Variants in DPYD observed in about 807,000 individuals in gnomAD.
DPYD encodes dihydropyrimidine dehydrogenase [NADP(+)].
A neutral mutation model predicts 116.2 loss-of-function variants in DPYD; 109 were observed. The observed-to-expected ratio is 0.94, with a 90% confidence interval of 0.80 to 1.10. DPYD has a LOEUF of 1.10. Ranked by LOEUF, DPYD falls within the 50% of genes least tolerant of loss-of-function variation. The pLI is 0.00. For missense variants in DPYD, 1,302 were observed against 1,254.5 expected (o/e 1.04, Z -0.57); for synonymous variants, 440 against 432.0 (o/e 1.02, Z -0.23).
rs114631000 is a variant in DPYD, at chr1:97,245,193, C to T, written c.2300-10199G>A. ...TCTCCATTTTACAGACATGGAAATT[C>T]AGGCTCAAGGAATTAAATAGTATGT... is the stretch of plus-strand genomic sequence containing the variant. On this transcript the variant is annotated intron_variant, in intron 18 of 22. Coordinates refer to ENST00000370192, the MANE Select transcript of DPYD (RefSeq NM_000110.4). Among the ~76,000 whole-genome samples, 173 of 152,234 alleles carry T rather than the reference C, an allele frequency of 1.1e-3. 2 individuals carry two copies. Among genetic ancestry groups the T allele is most frequent in the African/African-American group, 4.0e-3 (165 of 41,554 alleles).
chr1:97,166,227 A>G (rs1280276406), intron 20 of DPYD, among the ~76,000 whole-genome samples: 1 of 152,220 alleles, frequency 6.6e-6, no homozygotes, highest in Non-Finnish European at 1.5e-5. Context: ...AATATGGTAC[A>G]TATACACCAT....
At chr1:97,094,619 C>CAGTTT (rs1358912625) in intron 21 of DPYD, among the ~76,000 whole-genome samples, 4 of 152,036 alleles carry the variant, frequency 2.6e-5, no homozygotes, top group Non-Finnish European at 5.9e-5. Flanking sequence ...GAATGGGAAT[C>CAGTTT]AGTTTAGTTC....
chr1:97,711,024 G>T (rs1042516178), intron 5 of DPYD, among the ~76,000 whole-genome samples: 7 of 151,800 alleles, frequency 4.6e-5, no homozygotes, highest in Non-Finnish European at 8.9e-5. Context: ...GTGAAGATTA[G>T]AGTCAATGGT....
Position 97,607,384 on chromosome 1 carries a change from T to G in DPYD, c.851-12218A>C, listed in dbSNP as rs181099152. On this transcript the variant is annotated intron_variant, in intron 8 of 22. Transcript: ENST00000370192. ...TCTTCTACTGCACTGTGATTCAGTA[T>G]AGTGGAAGAGGGGCAGATTCTAAGG... is the stretch of plus-strand genomic sequence containing the variant. 2.6e-5 allele frequency among the ~76,000 whole-genome samples: 4 copies of G among 151,978 alleles called. No homozygotes were observed. In the South Asian group the frequency reaches 8.3e-4, roughly 32 times the overall value.
chr1:97,450,224 C>T lies in DPYD; in HGVS notation c.1741-1G>A, dbSNP rs770125111. ...TGGGGGAAACATTTGTCACAATGTC[C>T]TGATGAAAGAGTAAAGATATTGAGT... On this transcript the variant is annotated splice_acceptor_variant, in intron 13 of 22. Transcript: ENST00000370192. LOFTEE classifies it high-confidence loss of function. The T allele has an allele frequency of 6.2e-7, 1 of 1,613,280 alleles. No individual in the cohort carries two copies. The highest frequency in any genetic ancestry group is 1.1e-5 in the South Asian group (1 of 91,042).
chr1:97,358,859 C>G (rs145939847), intron 16 of DPYD, among the ~76,000 whole-genome samples: 3,509 of 152,144 alleles, frequency 0.023, 93 homozygotes, highest in Non-Finnish European at 0.029. Flanking sequence ...GGGGAGAAAC[C>G]AGAAGAGAAA....
At chr1:97,771,016 T>C (rs1666112494) in intron 3 of DPYD, among the ~76,000 whole-genome samples, 1 of 152,178 alleles carries the variant, frequency 6.6e-6, no homozygotes, top group South Asian at 2.1e-4. Flanking sequence ...TGAAATTTGC[T>C]AACATTAAAA....
At position 97,283,919 on chromosome 1, in the gene DPYD, T is replaced by A. The variant is rs150415638; in HGVS notation, c.2299+21340A>T. ...TACCAATGGACCTCAGGCCTTGGTA[T>A]TGTTTTTCTCATTTATAAAATGATT... On this transcript the variant is annotated intron_variant, in intron 18 of 22. Coordinates refer to ENST00000370192, the MANE Select transcript of DPYD (RefSeq NM_000110.4). Among the ~76,000 whole-genome samples the A allele has an allele frequency of 4.2e-3, 640 of 152,262 alleles. 11 individuals are homozygous for A. The highest frequency in any genetic ancestry group is 0.015 in the African/African-American group (614 of 41,558).
intron 18 of DPYD, 68 bp from the exon 19 acceptor site, chr1:97,235,062 C>A: frequency 6.3e-7 from 1 of 1,585,608 alleles, no homozygotes; most frequent in Non-Finnish European, 8.7e-7. Flanking sequence ...TATATTACTT[C>A]TATTACTATG....
intron 1 of DPYD, among the ~76,000 whole-genome samples, chr1:97,888,042 G>A (rs943960043): frequency 3.3e-5 from 5 of 151,920 alleles, no homozygotes; most frequent in South Asian, 2.1e-4. Context: ...GCCCAGTCTC[G>A]GGCAGTTCTT....
At chr1:97,463,457 G>A (rs1222971124) in intron 13 of DPYD, among the ~76,000 whole-genome samples, 1 of 152,162 alleles carries the variant, frequency 6.6e-6, no homozygotes, top group African/African-American at 2.4e-5. Context: ...AGTCTTGGGT[G>A]TGTATTTATT....
intron 3 of DPYD, among the ~76,000 whole-genome samples, chr1:97,801,578 A>G (rs1474496662): frequency 1.3e-5 from 2 of 151,954 alleles, no homozygotes; most frequent in African/African-American, 2.4e-5. Flanking sequence ...TAATGCTATA[A>G]GTTGAATTCC....
chr1:97,182,542 T>C (rs983844579), intron 20 of DPYD, among the ~76,000 whole-genome samples: 3 of 152,126 alleles, frequency 2.0e-5, no homozygotes, highest in South Asian at 2.1e-4. Context: ...AAGTGACTGA[T>C]AGAAATGCAA....
rs931525061 is a variant in DPYD at position 97,440,686 on chromosome 1, T to A, written c.1905+9373A>T. 2.6e-5 allele frequency among the ~76,000 whole-genome samples: 4 copies of A among 152,278 alleles called. No homozygotes were observed. In the Middle Eastern group the frequency reaches 0.014, roughly 518 times the overall value. On this transcript the variant is annotated intron_variant, in intron 14 of 22. Transcript: ENST00000370192. Reference sequence around the variant, plus strand: ...ATAGTTGTACATTTAGCTTTATGTATGCTATAACCCCCATATTATCTTATT... The same window carrying A: ...ATAGTTGTACATTTAGCTTTATGTAAGCTATAACCCCCATATTATCTTATT...
At chr1:97,344,855 C>T (rs936821325) in intron 16 of DPYD, among the ~76,000 whole-genome samples, 2 of 151,788 alleles carry the variant, frequency 1.3e-5, no homozygotes, top group Non-Finnish European at 2.9e-5. Flanking sequence ...TAGAATTGGC[C>T]TGCTGGGACT....
At chr1:97,291,124 A>G (rs1666127379) in intron 18 of DPYD, among the ~76,000 whole-genome samples, 1 of 152,248 alleles carries the variant, frequency 6.6e-6, no homozygotes, top group Non-Finnish European at 1.5e-5. Context: ...ATGCAAATCA[A>G]AACCACAATG....
At chr1:97,574,063 T>C (rs111409932) in intron 10 of DPYD, 93 bp from the exon 11 acceptor site, 3 of 1,548,188 alleles carry the variant, frequency 1.9e-6, no homozygotes, top group East Asian at 2.4e-5. Flanking sequence ...CTAAAGCTTA[T>C]GATATTAAGT....
intron 16 of DPYD, among the ~76,000 whole-genome samples, chr1:97,344,316 C>T (rs560278870): frequency 5.4e-4 from 82 of 151,930 alleles, no homozygotes; most frequent in Admixed American, 1.4e-3. Flanking sequence ...CCAACATTCA[C>T]GCTTGAGTTA....
intron 19 of DPYD, among the ~76,000 whole-genome samples, chr1:97,202,040 C>T (rs1407223861): frequency 5.3e-5 from 8 of 151,882 alleles, no homozygotes; most frequent in Non-Finnish European, 1.0e-4. Context: ...AATAGCTGTC[C>T]AAATGTCATT....
Sources: gnomAD v4.1 joint callset for allele counts (sites outside exome capture counted in the v4.1 genomes callset) on GRCh38, gnomAD v4.1.1 for gene constraint, MANE v1.5 for transcripts, NCBI Gene and HGNC (gene_info 2026-07-23, HGNC 2026-07-21) for gene names.